BCAS3: variants seen among roughly 807,000 people sequenced by gnomAD.
BCAS3 encodes the protein BCAS3 microtubule associated cell migration factor, also known as BCAS4/BCAS3 fusion.
BCAS3 carries 53 observed loss-of-function variants against 116.1 expected under a neutral mutation model. That is an observed-to-expected ratio of 0.46 (90% CI 0.37 to 0.57). The LOEUF (loss-of-function observed/expected upper bound fraction) is 0.57, where lower values mean the gene tolerates loss of function less well. Among genes scored for constraint, BCAS3 ranks in the 20% least tolerant of loss-of-function variants. The pLI is 0.00. For synonymous variants in BCAS3, 391 were observed against 408.2 expected (o/e 0.96, Z 0.51); for missense variants, 917 against 1,165.4 (o/e 0.79, Z 3.10).
intron 22 of BCAS3, among the ~76,000 whole-genome samples, chr17:61,193,036 C>T (rs920824852): frequency 1.3e-5 from 2 of 151,992 alleles, no homozygotes; most frequent in South Asian, 2.1e-4. Flanking sequence ...TTGAGGCAGG[C>T]GGATCACCTG....
In BCAS3 at chr17:60,844,279, A is replaced by T. The variant is rs534529162; in HGVS notation, c.477-24297A>T. Among the ~76,000 whole-genome samples the T allele has an allele frequency of 3.3e-5, 5 of 152,262 alleles. No individual in the cohort carries two copies. In the East Asian group the frequency reaches 7.7e-4, roughly 24 times the overall value. ...GCCAGCACACCTGGCCACAACTAATATAAATTTATCGAATGAATAAATTAA... is the reference window on the plus strand; with the variant it reads ...GCCAGCACACCTGGCCACAACTAATTTAAATTTATCGAATGAATAAATTAA... On this transcript the variant is annotated intron_variant, in intron 7 of 23. Transcript: ENST00000407086.
intron 4 of BCAS3, chr17:60,696,703 A>G (rs1177287046): frequency 6.6e-6 from 1 of 152,226 alleles, no homozygotes; most frequent in African/African-American, 2.4e-5. Context: ...GATGTCCCAC[A>G]GATGCCTCAA....
At chr17:60,732,175 A>T (rs1211601527) in intron 5 of BCAS3, among the ~76,000 whole-genome samples, 1 of 152,142 alleles carries the variant, frequency 6.6e-6, no homozygotes, top group Non-Finnish European at 1.5e-5. Context: ...AAGTCCTTAG[A>T]TTAACTTTTT....
intron 19 of BCAS3, among the ~76,000 whole-genome samples, chr17:61,059,337 C>A (rs1432722491): frequency 6.6e-6 from 1 of 152,002 alleles, no homozygotes; most frequent in Non-Finnish European, 1.5e-5. Context: ...CTGCCTTGGC[C>A]TCCCAAAGTT....
chr17:60,952,442 C>T (rs2060895692), intron 14 of BCAS3, among the ~76,000 whole-genome samples: 1 of 151,982 alleles, frequency 6.6e-6, no homozygotes, highest in South Asian at 2.1e-4. Flanking sequence ...GTCTCAGCCT[C>T]CCGAGTAGCT....
chr17:60,789,115 G>T (rs1336117049), intron 6 of BCAS3, among the ~76,000 whole-genome samples: 1 of 152,136 alleles, frequency 6.6e-6, no homozygotes, highest in Non-Finnish European at 1.5e-5. Flanking sequence ...TTTTCTCAGT[G>T]AAAATTGATT....
chr17:61,122,920 A>G lies in BCAS3; in HGVS notation c.2425+38356A>G, dbSNP rs1388474404. ...TGACCCAAGAGATAAAGACTGTGAA[A>G]GATTCCACATTATGGGTAAGTCTTT... On this transcript the variant is annotated intron_variant, in intron 22 of 23. Coordinates refer to ENST00000407086, the MANE Select transcript of BCAS3 (RefSeq NM_017679.5). The surrounding 1 kb of genome is among the most constrained non-coding windows in gnomAD (Gnocchi z 4.6). Among the ~76,000 whole-genome samples, 1 of 152,030 alleles carries G rather than the reference A, an allele frequency of 6.6e-6. No individual in the cohort carries two copies. Among genetic ancestry groups the G allele is most frequent in the Non-Finnish European group, 1.5e-5 (1 of 68,000 alleles).
At chr17:60,867,146 G>C (rs190276611) in intron 7 of BCAS3, among the ~76,000 whole-genome samples, 2 of 149,484 alleles carry the variant, frequency 1.3e-5, no homozygotes, top group Non-Finnish European at 3.0e-5. Flanking sequence ...TCACTCTGTC[G>C]TCCAGGCTGG....
intron 7 of BCAS3, among the ~76,000 whole-genome samples, chr17:60,826,490 T>A (rs2050440451): frequency 6.6e-6 from 1 of 152,142 alleles, no homozygotes; most frequent in Admixed American, 6.6e-5. Context: ...ATTCAAAAAT[T>A]TAGCATATGA....
intron 12 of BCAS3, among the ~76,000 whole-genome samples, chr17:60,922,314 A>C (rs2059146314): frequency 6.6e-6 from 1 of 152,124 alleles, no homozygotes; most frequent in South Asian, 2.1e-4. Flanking sequence ...TTTAGTAGAG[A>C]CAGGGTTTCA....
chr17:61,080,553 GC>G (rs1485473668), intron 21 of BCAS3, among the ~76,000 whole-genome samples: 1 of 151,842 alleles, frequency 6.6e-6, no homozygotes, highest in Non-Finnish European at 1.5e-5. Context: ...GACCAGCCTG[GC>G]CAACATGATG....
At chr17:60,860,798 G>T (rs952248746) in intron 7 of BCAS3, among the ~76,000 whole-genome samples, 2 of 152,128 alleles carry the variant, frequency 1.3e-5, no homozygotes, top group Admixed American at 1.3e-4. Flanking sequence ...TTAGATGGTT[G>T]TAGGTGTGTG....
At position 60,707,117 on chromosome 17, in the gene BCAS3, G is replaced by A. The variant is rs552607693; in HGVS notation, c.215-2102G>A. Among the ~76,000 whole-genome samples the A allele has an allele frequency of 1.0e-3, 158 of 151,814 alleles. 1 individual carries two copies. The Middle Eastern group carries it at 0.031, about 30-fold the overall frequency. ...AGCCATTCTCCTGCTGCAGCCTCCC[G>A]TGTAGCTGGGATTACAGGCATACGC... On this transcript the variant is annotated intron_variant, in intron 4 of 23. Coordinates refer to ENST00000407086, the MANE Select transcript of BCAS3 (RefSeq NM_017679.5).
At chr17:61,067,755 A>G (rs907842532) in intron 19 of BCAS3, among the ~76,000 whole-genome samples, 4 of 149,924 alleles carry the variant, frequency 2.7e-5, no homozygotes, top group South Asian at 2.1e-4. Flanking sequence ...ATATATATAT[A>G]TAGAAACACA....
At chr17:60,744,935 T>C (rs1217363079) in intron 5 of BCAS3, among the ~76,000 whole-genome samples, 4 of 152,184 alleles carry the variant, frequency 2.6e-5, no homozygotes, top group Non-Finnish European at 5.9e-5. Context: ...TTCAAAATGT[T>C]TTTTGATGTC....
chr17:61,392,102 C>T lies in BCAS3; in HGVS notation c.2719C>T (p.Leu907Phe), dbSNP rs1260049237. Residue 907 changes from leucine (L) to phenylalanine (F), a missense_variant, in exon 24 of 24, where the codon CTC (leucine) becomes TTC (phenylalanine). By Grantham distance (22) the Leu-to-Phe change is conservative. Coordinates refer to ENST00000407086, the MANE Select transcript of BCAS3 (RefSeq NM_017679.5). The surrounding 1 kb of genome is among the most constrained non-coding windows in gnomAD (Gnocchi z 6.4). ...CACCAATGAGAGCCAGCCCCTCAGC[C>T]TCTTCCCGACTGGCTTCCCGTAGGT... Reference protein sequence around the residue: ...LPTNESQPLSLFPTGFP With the variant: ...LPTNESQPLSFFPTGFP 1 of 1,613,540 alleles carries T rather than the reference C, an allele frequency of 6.2e-7. No individual in the cohort carries two copies. The highest frequency in any genetic ancestry group is 1.7e-5 in the Admixed American group (1 of 59,996).
At chr17:60,892,608 C>T (rs893810098) in intron 10 of BCAS3, among the ~76,000 whole-genome samples, 4 of 151,520 alleles carry the variant, frequency 2.6e-5, no homozygotes, top group East Asian at 2.0e-4. Context: ...AGCGTCCGGC[C>T]GTTTTTGGCT....
Position 61,006,043 on chromosome 17 carries a change from C to T in BCAS3, c.1487-9708C>T, listed in dbSNP as rs141249827. On this transcript the variant is annotated intron_variant, in intron 15 of 23. Transcript: ENST00000407086. ...ATTCCCACCTATGAGTGAGAATATG[C>T]GGTGTTTGGTTTTTTGTTCTTGCGA... Among the ~76,000 whole-genome samples, 948 of 151,720 alleles carry T rather than the reference C, an allele frequency of 6.2e-3. 7 individuals are homozygous for T. The highest frequency in any genetic ancestry group is 0.021 in the African/African-American group (870 of 41,372).
At chr17:60,977,986 G>A (rs2062530332) in intron 14 of BCAS3, among the ~76,000 whole-genome samples, 1 of 142,256 alleles carries the variant, frequency 7.0e-6, no homozygotes, top group Non-Finnish European at 1.5e-5. Context: ...CTTTATAGCA[G>A]CATGATTTAT....
Sources: allele counts gnomAD v4.1 joint callset (sites outside exome capture counted in the v4.1 genomes callset), GRCh38; gene constraint gnomAD v4.1.1; non-coding constraint Gnocchi (gnomAD v3.1); transcripts MANE v1.5; gene names NCBI Gene and HGNC (gene_info 2026-07-23, HGNC 2026-07-21).